The following TRAPPC12 variants were observed in gnomAD, a reference collection of about 807,000 sequenced individuals.
TRAPPC12 encodes trafficking protein particle complex subunit 12, also known as TPR repeat protein 15.
Under a neutral mutation model 69.2 loss-of-function variants are expected in TRAPPC12, and 61 were observed. The observed-to-expected ratio is 0.88, with a 90% CI of 0.72 to 1.09. The LOEUF is 1.09. Among genes scored for constraint, TRAPPC12 ranks in the 50% least tolerant of loss-of-function variants. The pLI is 0.00. For synonymous variants in TRAPPC12, 469 were observed against 438.9 expected (o/e 1.07, Z -0.86); for missense variants, 1,101 against 1,016.4 (o/e 1.08, Z -1.13).
chr2:3,389,535 C>T (rs1214023707), intron 2 of TRAPPC12, among the ~76,000 whole-genome samples: 7 of 152,224 alleles, frequency 4.6e-5, no homozygotes, highest in Non-Finnish European at 1.0e-4. Flanking sequence ...CCCCGAAGCC[C>T]GAGAGGGGAT....
intron 5 of TRAPPC12, among the ~76,000 whole-genome samples, chr2:3,431,163 T>G (rs951976079): frequency 2.6e-5 from 4 of 152,212 alleles, no homozygotes; most frequent in African/African-American, 9.6e-5. Context: ...GGCATACCCT[T>G]GAGGCCCTAG....
chr2:3,441,199 C>T (rs1251458665), intron 5 of TRAPPC12, among the ~76,000 whole-genome samples: 1 of 152,002 alleles, frequency 6.6e-6, no homozygotes, highest in Non-Finnish European at 1.5e-5. Context: ...TAATGCCAGA[C>T]TCATATAAGA....
chr2:3,413,147 A>T (rs1342006509), intron 3 of TRAPPC12, among the ~76,000 whole-genome samples: 1 of 152,252 alleles, frequency 6.6e-6, no homozygotes, highest in Non-Finnish European at 1.5e-5. Context: ...ACTTTTGTTC[A>T]TAAAAACTGG....
At chr2:3,454,849 G>C (rs1414343835) in intron 6 of TRAPPC12, 2 of 152,296 alleles carry the variant, frequency 1.3e-5, no homozygotes, top group Admixed American at 6.5e-5. Flanking sequence ...CACTACAGAG[G>C]TCTGGGGTGT....
intron 6 of TRAPPC12, among the ~76,000 whole-genome samples, chr2:3,445,455 C>T (rs1281978267): frequency 1.3e-5 from 2 of 152,226 alleles, no homozygotes; most frequent in Non-Finnish European, 1.5e-5. Context: ...TATGAAGCAG[C>T]AGGGACGGTG....
intron 11 of TRAPPC12, 68 bp from the exon 12 acceptor site, chr2:3,479,151 G>T (rs927404135): frequency 4.7e-5 from 74 of 1,572,106 alleles, no homozygotes; most frequent in Non-Finnish European, 5.7e-5. Context: ...GGCCCAGCAC[G>T]CAGCCTGGAA....
intron 5 of TRAPPC12, among the ~76,000 whole-genome samples, chr2:3,433,766 A>T (rs1663595854): frequency 6.6e-6 from 1 of 152,238 alleles, no homozygotes; most frequent in Non-Finnish European, 1.5e-5. Flanking sequence ...GAATGAGAAC[A>T]CTTCTACAGT....
chr2:3,469,652 C>T (rs1665976294), intron 9 of TRAPPC12, among the ~76,000 whole-genome samples: 1 of 152,226 alleles, frequency 6.6e-6, no homozygotes, highest in African/African-American at 2.4e-5. Context: ...AGGTCCCCCA[C>T]ACGGCCTCCT....
At chr2:3,466,260 C>T (rs780415463) in intron 9 of TRAPPC12, 2 of 471,070 alleles carry the variant, frequency 4.2e-6, no homozygotes, top group Admixed American at 4.7e-5. Flanking sequence ...GCAGGCGGAG[C>T]ACAGGGCAGC....
intron 5 of TRAPPC12, among the ~76,000 whole-genome samples, chr2:3,428,190 A>G (rs976152091): frequency 1.3e-5 from 2 of 152,268 alleles, no homozygotes; most frequent in East Asian, 1.9e-4. Flanking sequence ...TCTTCCTGAA[A>G]TTAAATTGCA....
chr2:3,401,067 C>T (rs781072634), intron 2 of TRAPPC12, among the ~76,000 whole-genome samples: 5 of 152,202 alleles, frequency 3.3e-5, no homozygotes, highest in African/African-American at 1.2e-4. Context: ...GGAGTAGAAA[C>T]GGTCCCGTGC....
rs752076532 is a variant in TRAPPC12, at chr2:3,388,584, C to T, written c.961C>T (p.Arg321Trp). ...LPGEATRGVLRAVATQQRGAV... is the reference protein window; with the variant it reads ...LPGEATRGVLWAVATQQRGAV... ...CGGCGAGGCTACGCGTGGAGTCCTG[C>T]GGGCCGTGGCCACCCAGCAGCGCGG... The change falls in exon 2 of 12, where the codon CGG becomes TGG. Residue 321 changes from arginine (R) to tryptophan (W), a missense_variant. Arg to Trp is a moderately radical substitution (Grantham distance 101). Coordinates refer to ENST00000324266, the MANE Select transcript of TRAPPC12 (RefSeq NM_016030.6). 7.1e-5 allele frequency: 115 copies of T among 1,611,012 alleles called. No homozygotes were observed. The highest frequency in any genetic ancestry group is 9.5e-5 in the Non-Finnish European group (112 of 1,178,808).
At chr2:3,417,378 G>A (rs1662476566) in intron 3 of TRAPPC12, among the ~76,000 whole-genome samples, 2 of 151,540 alleles carry the variant, frequency 1.3e-5, no homozygotes, top group Non-Finnish European at 2.9e-5. Context: ...GCCAGGTGAT[G>A]CAGCGTCTGA....
intron 9 of TRAPPC12, 44 bp from the exon 10 acceptor site, chr2:3,477,648 TTAA>T: frequency 1.7e-6 from 2 of 1,190,384 alleles, no homozygotes; most frequent in Non-Finnish European, 2.5e-6. Context: ...GAGTATAGAC[TTAA>T]TATTTCTTTT....
intron 2 of TRAPPC12, among the ~76,000 whole-genome samples, chr2:3,390,495 G>A (rs1660762890): frequency 1.3e-5 from 2 of 152,118 alleles, no homozygotes; most frequent in African/African-American, 4.8e-5. Context: ...CTAAAAGCCC[G>A]TTATTAGGAG....
At chr2:3,418,472 G>A (rs1662577808) in intron 3 of TRAPPC12, among the ~76,000 whole-genome samples, 1 of 152,164 alleles carries the variant, frequency 6.6e-6, no homozygotes, top group South Asian at 2.1e-4. Flanking sequence ...ACTGAGCCAC[G>A]AGGGGCCTAG....
chr2:3,398,748 A>C lies in TRAPPC12; in HGVS notation c.1048-3029A>C, dbSNP rs528002541. Among the ~76,000 whole-genome samples the C allele has an allele frequency of 2.0e-5, 3 of 152,354 alleles. No individual in the cohort carries two copies. In the South Asian group the frequency reaches 6.2e-4, roughly 32 times the overall value. ...CGTGAGAACAGCCACTTGCTCCTCC[A>C]TAAATGCACCTGACCAGGAGAATGG... On this transcript the variant is annotated intron_variant, in intron 2 of 11. Transcript: ENST00000324266.
intron 3 of TRAPPC12, among the ~76,000 whole-genome samples, chr2:3,419,851 T>C (rs866254303): frequency 1.6e-4 from 25 of 152,022 alleles, no homozygotes; most frequent in Middle Eastern, 3.4e-3. Flanking sequence ...GGCTGAAAAA[T>C]AGCATGGACA....
At chr2:3,421,113 C>T (rs778577994) in intron 3 of TRAPPC12, among the ~76,000 whole-genome samples, 4 of 152,118 alleles carry the variant, frequency 2.6e-5, no homozygotes, top group Non-Finnish European at 4.4e-5. Context: ...AGATAGTGCC[C>T]GTTACATTGA....
Sources: gnomAD v4.1 joint callset for allele counts (sites outside exome capture counted in the v4.1 genomes callset) on GRCh38, gnomAD v4.1.1 for gene constraint, MANE v1.5 for transcripts, NCBI Gene and HGNC (gene_info 2026-07-23, HGNC 2026-07-21) for gene names.